Variants in SHB observed in about 807,000 individuals in gnomAD.
The protein encoded by SHB is SH2 domain-containing adapter protein B.
A neutral mutation model predicts 52.3 loss-of-function variants in SHB; 20 were observed. The ratio of observed to expected loss-of-function variants is 0.38; its 90% CI spans 0.27 to 0.56. The LOEUF (loss-of-function observed/expected upper bound fraction) is 0.56, where lower values mean the gene tolerates loss of function less well. Ranked by LOEUF, SHB falls within the 20% of genes least tolerant of loss-of-function variation. The pLI is 0.71. For missense variants in SHB, 825 were observed against 723.3 expected, an observed-to-expected ratio of 1.14 and a Z score of -1.61; for synonymous variants, 397 against 316.5, an observed-to-expected ratio of 1.25 and a Z score of -2.70.
At chr9:37,938,318 A>G (rs1018989535) in intron 5 of SHB, among the ~76,000 whole-genome samples, 10 of 152,156 alleles carry the variant, frequency 6.6e-5, no homozygotes, top group Admixed American at 3.3e-4. Flanking sequence ...CTTCCTCTCC[A>G]TGCAGCCACC....
At chr9:37,951,394 C>T (rs1017194688) in intron 4 of SHB, among the ~76,000 whole-genome samples, 1 of 152,214 alleles carries the variant, frequency 6.6e-6, no homozygotes, top group Non-Finnish European at 1.5e-5. Flanking sequence ...CATGAAGGTC[C>T]ATGTTATGCT....
chr9:37,970,919 G>A (rs1442282021), intron 3 of SHB, among the ~76,000 whole-genome samples: 6 of 151,768 alleles, frequency 4.0e-5, no homozygotes, highest in African/African-American at 9.7e-5. Flanking sequence ...CCCATTCCCC[G>A]CCCAAGTTTC....
chr9:38,037,204 T>C (rs1330589377), intron 1 of SHB, among the ~76,000 whole-genome samples: 2 of 152,188 alleles, frequency 1.3e-5, no homozygotes, highest in Non-Finnish European at 2.9e-5. Context: ...ACAAGAGAAC[T>C]GGAGAAAGAG....
At chr9:38,004,206 C>T (rs555619363) in intron 2 of SHB, among the ~76,000 whole-genome samples, 8 of 152,190 alleles carry the variant, frequency 5.3e-5, no homozygotes, top group Non-Finnish European at 7.3e-5. Context: ...AGGAGAGATG[C>T]TGTGAAGGGC....
At chr9:38,005,377 A>G (rs1821065516) in intron 2 of SHB, among the ~76,000 whole-genome samples, 1 of 152,230 alleles carries the variant, frequency 6.6e-6, no homozygotes, top group Non-Finnish European at 1.5e-5. Context: ...ACAGGAACGC[A>G]AACGGGCCAA....
At chr9:38,049,953 C>T (rs1405141041) in intron 1 of SHB, among the ~76,000 whole-genome samples, 1 of 152,134 alleles carries the variant, frequency 6.6e-6, no homozygotes, top group Non-Finnish European at 1.5e-5. Context: ...GCATGTGCCA[C>T]CACACCCGGC....
chr9:37,945,847 C>G (rs1832484901), intron 5 of SHB, among the ~76,000 whole-genome samples: 1 of 152,130 alleles, frequency 6.6e-6, no homozygotes, highest in Admixed American at 6.5e-5. Context: ...GGCCTTAGAG[C>G]CCATCAAAGC....
intron 4 of SHB, among the ~76,000 whole-genome samples, chr9:37,952,509 A>G (rs1341173369): frequency 6.6e-6 from 1 of 152,158 alleles, no homozygotes; most frequent in Non-Finnish European, 1.5e-5. Flanking sequence ...CCACAGCAAT[A>G]AGAGTTTTAA....
At chr9:37,939,186 T>C (rs1457466654) in intron 5 of SHB, among the ~76,000 whole-genome samples, 1 of 152,232 alleles carries the variant, frequency 6.6e-6, no homozygotes, top group Admixed American at 6.5e-5. Context: ...CCCTCTGAAT[T>C]GGCCTTGGCC....
chr9:38,034,510 G>C (rs929758296), intron 1 of SHB, among the ~76,000 whole-genome samples: 1 of 152,342 alleles, frequency 6.6e-6, no homozygotes, highest in East Asian at 1.9e-4. Context: ...ACTTTGAATA[G>C]CTCTGTCTGA....
At position 38,015,423 on chromosome 9, in the gene SHB, C is replaced by T; in HGVS notation, c.838+588G>A. 4.3e-6 allele frequency: 3 copies of T among 703,100 alleles called. No individual in the cohort carries two copies. In the South Asian group the frequency reaches 4.4e-5, roughly 10 times the overall value. 43.6% of individuals were successfully genotyped at this position (703,100 alleles called of 1,614,324 possible). A position where few individuals can be genotyped will look rare whatever the true frequency, so the allele number is the denominator to read the frequency against. ...CACAATTGCTTTGACAAGGTTTTGT[C>T]ATCAAGGGCCAACAGGAAAACAGCC... On this transcript the variant is annotated intron_variant, in intron 2 of 5. Transcript: ENST00000377707.
At chr9:37,966,603 T>G (rs1820527669) in intron 3 of SHB, among the ~76,000 whole-genome samples, 1 of 152,192 alleles carries the variant, frequency 6.6e-6, no homozygotes, top group Non-Finnish European at 1.5e-5. Flanking sequence ...CAAAAAGCAT[T>G]TGGTACCAAC....
chr9:37,950,597 G>A (rs1199683256), intron 4 of SHB, among the ~76,000 whole-genome samples: 2 of 152,310 alleles, frequency 1.3e-5, no homozygotes, highest in South Asian at 2.1e-4. Context: ...GGCACGGGGC[G>A]GTACTGTGGT....
At position 38,020,274 on chromosome 9, in the gene SHB, ACTT is replaced by A. The variant is rs542953944; in HGVS notation, c.718-4146_718-4144del. 8.5e-5 allele frequency among the ~76,000 whole-genome samples: 13 copies of A among 152,356 alleles called. No homozygotes were observed. The South Asian group carries it at 2.5e-3, about 29-fold the overall frequency. On this transcript the variant is annotated intron_variant, in intron 1 of 5. Coordinates refer to ENST00000377707, the MANE Select transcript of SHB (RefSeq NM_003028.3). ...GTACAGTAGACAGAATGTTTCCCAA[ACTT>A]GCCTGAAGACAGGAATGGCTTGGAA...
At chr9:38,024,375 G>A in intron 1 of SHB, among the ~76,000 whole-genome samples, 1 of 152,266 alleles carries the variant, frequency 6.6e-6, no homozygotes, top group Non-Finnish European at 1.5e-5. Context: ...GGCTGGGAGT[G>A]TGGGGGGTTA....
chr9:38,013,293 C>T (rs535486264), intron 2 of SHB, among the ~76,000 whole-genome samples: 1 of 152,280 alleles, frequency 6.6e-6, no homozygotes, highest in East Asian at 1.9e-4. Context: ...CTGCCTTGGA[C>T]CTAACCCCAT....
chr9:38,031,843 T>C (rs1821419901), intron 1 of SHB, among the ~76,000 whole-genome samples: 1 of 152,162 alleles, frequency 6.6e-6, no homozygotes, highest in African/African-American at 2.4e-5. Flanking sequence ...GAGGCAAAGG[T>C]ATCTTGAACT....
chr9:37,970,607 TC>T (rs1010680112), intron 3 of SHB, among the ~76,000 whole-genome samples: 5 of 152,034 alleles, frequency 3.3e-5, no homozygotes, highest in African/African-American at 1.2e-4. Context: ...TCAGCCATCT[TC>T]CCCTCTCCCT....
At chr9:37,965,996 A>G (rs1292502006) in intron 3 of SHB, among the ~76,000 whole-genome samples, 1 of 152,078 alleles carries the variant, frequency 6.6e-6, no homozygotes, top group East Asian at 1.9e-4. Flanking sequence ...GGAGACCTGG[A>G]CTCAAGTAGA....
Sources: gnomAD v4.1 joint callset for allele counts (sites outside exome capture counted in the v4.1 genomes callset) on GRCh38, gnomAD v4.1.1 for gene constraint, MANE v1.5 for transcripts, NCBI Gene and HGNC (gene_info 2026-07-23, HGNC 2026-07-21) for gene names.